The following GALNT18 variants were observed in gnomAD, a reference collection of about 807,000 sequenced individuals.
The protein encoded by GALNT18 is polypeptide N-acetylgalactosaminyltransferase 18.
In GALNT18, 44 loss-of-function variants were observed where a neutral mutation model predicts 69.5. That is an observed-to-expected ratio of 0.63 (90% CI 0.50 to 0.81). The LOEUF (loss-of-function observed/expected upper bound fraction) is 0.81. Ranked by LOEUF, GALNT18 falls within the 40% of genes least tolerant of loss-of-function variation. GALNT18 has a pLI of 0.00. For synonymous variants in GALNT18, 364 were observed against 318.2 expected, an observed-to-expected ratio of 1.14 and a Z score of -1.53; for missense variants, 715 against 810.0, an observed-to-expected ratio of 0.88 and a Z score of 1.42.
chr11:11,546,094 A>T lies in GALNT18; in HGVS notation c.235+75265T>A, dbSNP rs1179899747. Among the ~76,000 whole-genome samples the T allele has an allele frequency of 2.6e-5, 4 of 152,038 alleles. No individual in the cohort carries two copies. Among genetic ancestry groups the T allele is most frequent in the Non-Finnish European group, 2.9e-5 (2 of 67,986 alleles). ...GCCACTCAGCCAAGCTGCCACTATA[A>T]TTCCTTTCCCAGGTGTCTGTGACAC... On this transcript the variant is annotated intron_variant, in intron 1 of 10. Coordinates refer to ENST00000227756, the MANE Select transcript of GALNT18 (RefSeq NM_198516.3). The surrounding 1 kb of genome is among the most constrained non-coding windows in gnomAD (Gnocchi z 5.8).
intron 3 of GALNT18, among the ~76,000 whole-genome samples, chr11:11,388,023 T>C (rs1854095028): frequency 1.3e-5 from 2 of 152,238 alleles, no homozygotes; most frequent in Non-Finnish European, 2.9e-5. Context: ...CAAAGTCGAT[T>C]GATACTAAAG....
At chr11:11,351,683 T>A (rs534225091) in intron 6 of GALNT18, among the ~76,000 whole-genome samples, 2 of 152,280 alleles carry the variant, frequency 1.3e-5, no homozygotes, top group South Asian at 4.2e-4. Context: ...ATAGGATCTC[T>A]GGCCCCCATT....
chr11:11,561,187 A>C (rs1858495988), intron 1 of GALNT18, among the ~76,000 whole-genome samples: 2 of 152,164 alleles, frequency 1.3e-5, no homozygotes, highest in Admixed American at 6.5e-5. Context: ...CGCCTTTTTC[A>C]GGGAGCTGAG....
rs1020445077 is a variant in GALNT18, at chr11:11,459,130, T to G, written c.236-10194A>C. ...TGAAAACATCCTTGAATATGTCAAG[T>G]GCCCTAATAATGGTAAGTAAATGCA... On this transcript the variant is annotated intron_variant, in intron 1 of 10. Coordinates refer to ENST00000227756, the MANE Select transcript of GALNT18 (RefSeq NM_198516.3). The surrounding 1 kb of genome is among the most constrained non-coding windows in gnomAD (Gnocchi z 5.0). 2.0e-5 allele frequency among the ~76,000 whole-genome samples: 3 copies of G among 152,170 alleles called. No homozygotes were observed. Among genetic ancestry groups the G allele is most frequent in the Non-Finnish European group, 4.4e-5 (3 of 68,034 alleles).
chr11:11,428,432 G>T (rs970986012), intron 3 of GALNT18, among the ~76,000 whole-genome samples: 2 of 152,308 alleles, frequency 1.3e-5, no homozygotes, highest in East Asian at 1.9e-4. Context: ...TCTGGCCTCC[G>T]CTCTGGCCCT....
At chr11:11,431,852 A>C (rs946303644) in intron 3 of GALNT18, among the ~76,000 whole-genome samples, 3 of 152,232 alleles carry the variant, frequency 2.0e-5, no homozygotes, top group Non-Finnish European at 4.4e-5. Context: ...TCAGAAATAC[A>C]TTCATATAAA....
intron 1 of GALNT18, among the ~76,000 whole-genome samples, chr11:11,502,791 G>A (rs1369598788): frequency 2.0e-5 from 3 of 152,206 alleles, no homozygotes; most frequent in Non-Finnish European, 4.4e-5. Flanking sequence ...TGCCAGTCAT[G>A]AGAGGCGTAG....
chr11:11,531,277 C>G (rs1460325577), intron 1 of GALNT18, among the ~76,000 whole-genome samples: 1 of 152,160 alleles, frequency 6.6e-6, no homozygotes. Flanking sequence ...AAGCCCTGTC[C>G]ACAGCACAGG....
intron 1 of GALNT18, among the ~76,000 whole-genome samples, chr11:11,489,997 C>T (rs1375073235): frequency 6.6e-6 from 1 of 152,136 alleles, no homozygotes; most frequent in African/African-American, 2.4e-5. Context: ...CCCCAAAAAG[C>T]CTGCGTTGGA....
chr11:11,380,819 G>A (rs1853895883), intron 3 of GALNT18, among the ~76,000 whole-genome samples: 2 of 152,222 alleles, frequency 1.3e-5, no homozygotes, highest in Non-Finnish European at 2.9e-5. Flanking sequence ...TTTGTCCCCT[G>A]ATTTCATTAC....
intron 9 of GALNT18, among the ~76,000 whole-genome samples, chr11:11,303,327 C>T (rs1170219516): frequency 6.6e-6 from 1 of 152,208 alleles, no homozygotes; most frequent in Non-Finnish European, 1.5e-5. Flanking sequence ...ACCAGCAGCC[C>T]CCCACTGCTA....
In GALNT18 at chr11:11,448,873, T is replaced by G. The variant is rs764172117; in HGVS notation, c.299A>C (p.His100Pro). ...TTCGGGGCTGAGCTCCTGGCCCCAG[T>G]GTGCAAACAGAGAGGAGTCTGTGAA... The part of the protein sequence containing the change: ...EPFTDSSLFA[H>P]WGQELSPEGR... Residue 100 changes from histidine to proline, a missense_variant, in exon 2 of 11, where the codon CAC becomes CCC. Coordinates refer to ENST00000227756, the MANE Select transcript of GALNT18 (RefSeq NM_198516.3). The G allele has an allele frequency of 1.2e-6, 2 of 1,608,196 alleles. No individual in the cohort carries two copies. The highest frequency in any genetic ancestry group is 1.1e-5 in the South Asian group (1 of 89,874).
chr11:11,442,705 G>A (rs1246117790), intron 2 of GALNT18, among the ~76,000 whole-genome samples: 5 of 152,160 alleles, frequency 3.3e-5, no homozygotes, highest in Non-Finnish European at 7.3e-5. Context: ...GTGAGCCTGT[G>A]TGTGGATCTG....
intron 1 of GALNT18, among the ~76,000 whole-genome samples, chr11:11,610,242 G>A (rs893099319): frequency 1.3e-4 from 20 of 152,330 alleles, no homozygotes; most frequent in African/African-American, 3.6e-4. Flanking sequence ...CATTACTGGA[G>A]CAGAAAAACA....
Position 11,591,442 on chromosome 11 carries a change from C to T in GALNT18, c.235+29917G>A, listed in dbSNP as rs117221458. Among the ~76,000 whole-genome samples the T allele has an allele frequency of 3.7e-3, 557 of 152,294 alleles. 1 individual carries two copies. Among genetic ancestry groups the T allele is most frequent in the Non-Finnish European group, 6.0e-3 (407 of 68,014 alleles). On this transcript the variant is annotated intron_variant, in intron 1 of 10. Coordinates refer to ENST00000227756, the MANE Select transcript of GALNT18 (RefSeq NM_198516.3). The surrounding 1 kb of genome is among the most constrained non-coding windows in gnomAD (Gnocchi z 4.8). Reference sequence around the variant, plus strand: ...GGATGAGCCTCACTGCGTTCCTTCTCATCCATGTTTCTCAGGCTCCTCATT... The same window carrying T: ...GGATGAGCCTCACTGCGTTCCTTCTTATCCATGTTTCTCAGGCTCCTCATT...
intron 3 of GALNT18, among the ~76,000 whole-genome samples, chr11:11,417,022 T>G (rs61870278): frequency 0.086 from 13,084 of 152,282 alleles, 647 homozygotes; most frequent in Admixed American, 0.15. Flanking sequence ...TCTCAGGCAC[T>G]GGCCACATCT....
chr11:11,297,845 G>T (rs1849428825), intron 9 of GALNT18, among the ~76,000 whole-genome samples: 1 of 152,184 alleles, frequency 6.6e-6, no homozygotes, highest in South Asian at 2.1e-4. Context: ...GCTCAGCAGG[G>T]CTGCAAACCA....
Position 11,477,740 on chromosome 11 carries a change from G to T in GALNT18, c.236-28804C>A, listed in dbSNP as rs556503701. Among the ~76,000 whole-genome samples the T allele has an allele frequency of 7.2e-5, 11 of 152,328 alleles. No individual in the cohort carries two copies. The South Asian group carries it at 1.4e-3, about 20-fold the overall frequency. ...TTATGACAAAGAAAGTCATGGTCTT[G>T]TCTGAATTTTCACCCTATAGCAGAA... On this transcript the variant is annotated intron_variant, in intron 1 of 10. Coordinates refer to ENST00000227756, the MANE Select transcript of GALNT18 (RefSeq NM_198516.3).
chr11:11,440,111 C>A (rs952974944), intron 2 of GALNT18, among the ~76,000 whole-genome samples: 4 of 152,330 alleles, frequency 2.6e-5, no homozygotes, highest in South Asian at 2.1e-4. Context: ...CAACTTTCAT[C>A]CAGAGGCAGA....
Sources: allele counts gnomAD v4.1 joint callset (sites outside exome capture counted in the v4.1 genomes callset), GRCh38; gene constraint gnomAD v4.1.1; non-coding constraint Gnocchi (gnomAD v3.1); transcripts MANE v1.5; gene names NCBI Gene and HGNC (gene_info 2026-07-23, HGNC 2026-07-21).